Variants in OSGIN2 observed in about 807,000 individuals in gnomAD.
OSGIN2 encodes the protein oxidative stress-induced growth inhibitor 2.
A neutral mutation model predicts 53.8 loss-of-function variants in OSGIN2; 19 were observed. The ratio of observed to expected loss-of-function variants is 0.35; its 90% CI spans 0.25 to 0.52. The LOEUF (loss-of-function observed/expected upper bound fraction) is 0.52. OSGIN2 is among the 20% of genes least tolerant of loss of function. The pLI is 0.95. For synonymous variants in OSGIN2, 236 were observed against 236.0 expected, an observed-to-expected ratio of 1.00 and a Z score of 0.00; for missense variants, 520 against 662.7, an observed-to-expected ratio of 0.78 and a Z score of 2.36.
rs1184652158 is a variant in OSGIN2 at position 89,925,471 on chromosome 8, C to G, written c.1589C>G (p.Ala530Gly). ...GGALGVTRCL[A>G]TRQKKKHLFV... The stretch of plus-strand genomic sequence containing the variant: ...GCGCTGGGTGTTACACGCTGTTTAG[C>G]TACAAGACAGAAGAAAAAGCATTTG... The change falls in exon 6 of 6, where the codon GCT (alanine) becomes GGT (glycine). Residue 530 changes from alanine to glycine, a missense_variant. This residue lies in a region of OSGIN2 where 239 missense variants were observed against 328.3 expected (regional missense o/e 0.73). Coordinates refer to ENST00000451899, the MANE Select transcript of OSGIN2 (RefSeq NM_001126111.3). 1.2e-6 allele frequency: 2 copies of G among 1,614,040 alleles called. No homozygotes were observed. Among genetic ancestry groups the G allele is most frequent in the Non-Finnish European group, 8.5e-7 (1 of 1,179,968 alleles).
intron 2 of OSGIN2, among the ~76,000 whole-genome samples, chr8:89,912,785 C>T (rs1043962578): frequency 6.6e-6 from 1 of 151,864 alleles, no homozygotes; most frequent in African/African-American, 2.4e-5. Context: ...CTCCTGATCC[C>T]TCCTGATGGC....
At chr8:89,918,210 A>G (rs554037395) in intron 4 of OSGIN2, among the ~76,000 whole-genome samples, 1 of 152,212 alleles carries the variant, frequency 6.6e-6, no homozygotes, top group African/African-American at 2.4e-5. Context: ...CAGTGTTCAT[A>G]TCTTTCTTAG....
Position 89,909,678 on chromosome 8 carries a change from T to C in OSGIN2, c.156T>C (p.Ser52=). The change falls in exon 2 of 6, where the codon TCT becomes TCC. Residue 52 remains serine, a synonymous_variant. Coordinates refer to ENST00000451899, the MANE Select transcript of OSGIN2 (RefSeq NM_001126111.3). The part of the protein sequence containing the change: ...VKAMPLVEET[S]LLEDSSVTFP... ...CGATGCCATTAGTTGAAGAAACTTC[T>C]TTACTGGAAGATTCGTCAGTGACTT... 4 of 1,610,480 alleles carry C rather than the reference T, an allele frequency of 2.5e-6. No individual in the cohort carries two copies. The highest frequency in any genetic ancestry group is 3.4e-6 in the Non-Finnish European group (4 of 1,177,470).
chr8:89,911,220 T>C (rs955972817), intron 2 of OSGIN2, among the ~76,000 whole-genome samples: 5 of 152,190 alleles, frequency 3.3e-5, no homozygotes, highest in Non-Finnish European at 7.3e-5. Context: ...TTAAGGACTC[T>C]TGTGATTAGA....
In OSGIN2 at chr8:89,926,757, C is replaced by CTT. The variant is rs1184506598; in HGVS notation, c.*1231_*1232dup. 2 of 151,662 alleles carry CTT rather than the reference C, an allele frequency of 1.3e-5. No individual in the cohort carries two copies. Among genetic ancestry groups the CTT allele is most frequent in the African/African-American group, 4.8e-5 (2 of 41,296 alleles). 9.4% of individuals were successfully genotyped at this position (151,662 alleles called of 1,614,324 possible). A position where few individuals can be genotyped will look rare whatever the true frequency, so the allele number is the denominator to read the frequency against. ...TTGAATTTTTCAGTCATTTTCTTTT[C>CTT]TTTTTTTGGTACAATTACTTCATCT... On this transcript the variant is annotated 3_prime_UTR_variant, in exon 6 of 6. Coordinates refer to ENST00000451899, the MANE Select transcript of OSGIN2 (RefSeq NM_001126111.3).
In OSGIN2 at chr8:89,905,262, T is replaced by A. The variant is rs1231843482; in HGVS notation, c.44+2425T>A. Reference sequence around the variant, plus strand: ...AATGTCAAATAGGCTTTTAACTTGCTTCCTAACAATAGAGTAACTAATTTT... The same window carrying A: ...AATGTCAAATAGGCTTTTAACTTGCATCCTAACAATAGAGTAACTAATTTT... On this transcript the variant is annotated intron_variant, in intron 1 of 5. Transcript: ENST00000451899. 2.6e-5 allele frequency among the ~76,000 whole-genome samples: 4 copies of A among 152,358 alleles called. No individual in the cohort carries two copies. The East Asian group carries it at 7.7e-4, about 29-fold the overall frequency.
chr8:89,906,270 A>G (rs899623832), intron 1 of OSGIN2, among the ~76,000 whole-genome samples: 2 of 152,166 alleles, frequency 1.3e-5, no homozygotes, highest in Non-Finnish European at 2.9e-5. Flanking sequence ...ATACACTCAC[A>G]TTGATGATAG....
intron 5 of OSGIN2, among the ~76,000 whole-genome samples, chr8:89,923,895 A>T (rs1478439274): frequency 7.0e-6 from 1 of 141,862 alleles, no homozygotes; most frequent in Admixed American, 6.7e-5. Flanking sequence ...CAAGTTTTTC[A>T]TAACAGTTAT....
rs1227728279 is a variant in OSGIN2 at position 89,925,499 on chromosome 8, T to C, written c.1617T>C (p.Phe539=). 2 of 1,613,584 alleles carry C rather than the reference T, an allele frequency of 1.2e-6. No homozygotes were observed. Among genetic ancestry groups the C allele is most frequent in the Non-Finnish European group, 1.7e-6 (2 of 1,179,846 alleles). The change falls in exon 6 of 6, where the codon TTT becomes TTC. Residue 539 remains phenylalanine, a synonymous_variant. Coordinates refer to ENST00000451899, the MANE Select transcript of OSGIN2 (RefSeq NM_001126111.3). ...CAAGACAGAAGAAAAAGCATTTGTT[T>C]GTTGAAAGAGGAGGAGGAGATGGGA... The part of the protein sequence containing the change: ...LATRQKKKHL[F]VERGGGDGIA
At chr8:89,924,367 T>A (rs78030581) in intron 5 of OSGIN2, 136 bp from the exon 6 acceptor site, 5 of 588,482 alleles carry the variant, frequency 8.5e-6, no homozygotes, top group Non-Finnish European at 1.4e-5. Context: ...GTTTTTTTTT[T>A]AAGTGTTAGG....
At chr8:89,909,033 A>T (rs1295740137) in intron 1 of OSGIN2, among the ~76,000 whole-genome samples, 38 of 114,880 alleles carry the variant, frequency 3.3e-4, no homozygotes, top group East Asian at 2.0e-3. Flanking sequence ...AAAAAAAAAA[A>T]AAAAATATAT....
Position 89,925,248 on chromosome 8 carries a change from T to A in OSGIN2, c.1366T>A (p.Leu456Met). 1.2e-6 allele frequency: 2 copies of A among 1,614,184 alleles called. No homozygotes were observed. The highest frequency in any genetic ancestry group is 1.7e-6 in the Non-Finnish European group (2 of 1,180,006). ...KIFKLSAAVV[L>M]IGSHPNLSFL... ...ATTTAAGCTGTCTGCAGCAGTAGTA[T>A]TGATAGGTTCTCATCCTAATCTGTC... The change falls in exon 6 of 6, where the codon TTG becomes ATG. Residue 456 changes from leucine to methionine, a missense_variant. By Grantham distance (15) the Leu-to-Met change is conservative (BLOSUM62 2). This residue lies in a region of OSGIN2 where 239 missense variants were observed against 328.3 expected (regional missense o/e 0.73). Coordinates refer to ENST00000451899, the MANE Select transcript of OSGIN2 (RefSeq NM_001126111.3).
chr8:89,915,295 T>G (rs1809054511), intron 4 of OSGIN2, among the ~76,000 whole-genome samples: 1 of 152,218 alleles, frequency 6.6e-6, no homozygotes, highest in Admixed American at 6.5e-5. Flanking sequence ...TTCAGATAGC[T>G]GCCTTCTCAA....
At chr8:89,909,850 A>T (rs920251653) in intron 2 of OSGIN2, 129 bp downstream of exon 2, 1 of 516,614 alleles carries the variant, frequency 1.9e-6, no homozygotes, top group African/African-American at 2.0e-5. Context: ...ATGCTAAAAA[A>T]CTAATAACCA....
intron 1 of OSGIN2, among the ~76,000 whole-genome samples, chr8:89,907,602 C>T (rs1323632413): frequency 1.3e-5 from 2 of 151,834 alleles, no homozygotes; most frequent in Non-Finnish European, 2.9e-5. Context: ...TGGGTTTTCT[C>T]TTCCATTGGT....
At chr8:89,903,970 C>T (rs1808784568) in intron 1 of OSGIN2, among the ~76,000 whole-genome samples, 1 of 152,120 alleles carries the variant, frequency 6.6e-6, no homozygotes, top group Admixed American at 6.5e-5. Context: ...GGTTAAGAAG[C>T]GTCATCCTAT....
At chr8:89,923,314 T>C (rs1809246990) in intron 5 of OSGIN2, among the ~76,000 whole-genome samples, 1 of 152,228 alleles carries the variant, frequency 6.6e-6, no homozygotes, top group Non-Finnish European at 1.5e-5. Context: ...GATTGAATTA[T>C]GTGACACATG....
At chr8:89,908,758 T>C (rs572960111) in intron 1 of OSGIN2, among the ~76,000 whole-genome samples, 7 of 152,116 alleles carry the variant, frequency 4.6e-5, no homozygotes, top group East Asian at 1.9e-4. Flanking sequence ...AGAGAGCCAA[T>C]TGAGAAAGAA....
intron 1 of OSGIN2, among the ~76,000 whole-genome samples, chr8:89,903,980 T>C (rs745938348): frequency 6.6e-6 from 1 of 152,178 alleles, no homozygotes; most frequent in African/African-American, 2.4e-5. Context: ...CGTCATCCTA[T>C]AGTAAAAGAG....
Sources: gnomAD v4.1 joint callset for allele counts (sites outside exome capture counted in the v4.1 genomes callset) on GRCh38, gnomAD v4.1.1 for gene constraint, gnomAD v4.1.1 regional missense constraint, MANE v1.5 for transcripts, NCBI Gene and HGNC (gene_info 2026-07-23, HGNC 2026-07-21) for gene names.